The following CEP57L1 variants were observed in gnomAD, a reference collection of about 807,000 sequenced individuals.
CEP57L1 encodes the protein centrosomal protein CEP57L1.
CEP57L1 carries 37 observed loss-of-function variants against 61.0 expected under a neutral mutation model. That is an observed-to-expected ratio of 0.61 (90% confidence interval 0.47 to 0.80). The LOEUF is 0.80. Ranked by LOEUF, CEP57L1 falls within the 30% of genes least tolerant of loss-of-function variation. CEP57L1 has a pLI of 0.00. For missense variants in CEP57L1, 422 were observed against 524.7 expected, an observed-to-expected ratio of 0.80 and a Z score of 1.91; for synonymous variants, 137 against 162.3, an observed-to-expected ratio of 0.84 and a Z score of 1.19.
At position 109,173,424 on chromosome 6, in the gene CEP57L1, C is replaced by CTTTTTT. The variant is rs113248477; in HGVS notation, c.*10465_*10470dup. On this transcript the variant is annotated 3_prime_UTR_variant, in exon 11 of 11. Coordinates refer to ENST00000517392, the MANE Select transcript of CEP57L1 (RefSeq NM_001271852.3). ...CCCCCTCAGCCCGCCCCCTACCTTT[C>CTTTTTT]TTTTTTTTTTTTTTTTCTTTTCAGG... Among the ~76,000 whole-genome samples the CTTTTTT allele has an allele frequency of 7.5e-6, 1 of 133,674 alleles. No homozygotes were observed. 87.7% of individuals were successfully genotyped at this position (133,674 alleles called of 152,430 possible). A position where few individuals can be genotyped will look rare whatever the true frequency, so the allele number is the denominator to read the frequency against.
At chr6:109,131,759 G>A (rs1034823369) in intron 1 of CEP57L1, among the ~76,000 whole-genome samples, 2 of 151,952 alleles carry the variant, frequency 1.3e-5, no homozygotes, top group African/African-American at 4.8e-5. Flanking sequence ...TAATGAGAAG[G>A]CCCAATTCTG....
intron 1 of CEP57L1, among the ~76,000 whole-genome samples, chr6:109,107,896 G>A (rs1400416279): frequency 1.3e-5 from 2 of 152,060 alleles, no homozygotes; most frequent in Admixed American, 6.5e-5. Flanking sequence ...AGACGAGATC[G>A]TGCCATTGCA....
At position 109,159,011 on chromosome 6, in the gene CEP57L1, T is replaced by C; in HGVS notation, c.745-14T>C. ...ATAATTTCTTGTTTACGTTTTTTTC[T>C]TGCCAATCTCTAGAAAACTAAATGT... is the stretch of plus-strand genomic sequence containing the variant. On this transcript the variant is annotated splice_polypyrimidine_tract_variant and intron_variant, in intron 7 of 10. Coordinates refer to ENST00000517392, the MANE Select transcript of CEP57L1 (RefSeq NM_001271852.3). 6.3e-7 allele frequency: 1 copy of C among 1,591,912 alleles called. No homozygotes were observed. The highest frequency in any genetic ancestry group is 8.5e-7 in the Non-Finnish European group (1 of 1,173,222).
intron 1 of CEP57L1, chr6:109,129,332 TATA>T (rs1773928251): frequency 2.7e-6 from 3 of 1,124,860 alleles, no homozygotes; most frequent in Non-Finnish European, 3.3e-6. Flanking sequence ...TTCACTTGGA[TATA>T]ATAATATAGA....
chr6:109,130,052 C>T (rs1774006210), intron 1 of CEP57L1, among the ~76,000 whole-genome samples: 1 of 152,098 alleles, frequency 6.6e-6, no homozygotes, highest in Admixed American at 6.5e-5. Context: ...GTTAATCTCT[C>T]CTTTGTGTTC....
chr6:109,160,824 G>A (rs1052325275), intron 10 of CEP57L1, 108 bp downstream of exon 10: 15 of 1,039,914 alleles, frequency 1.4e-5, no homozygotes, highest in Non-Finnish European at 2.0e-5. Flanking sequence ...GGGATTTAGT[G>A]AAAAGATGGA....
intron 1 of CEP57L1, among the ~76,000 whole-genome samples, chr6:109,125,986 T>G (rs977326044): frequency 2.8e-4 from 42 of 152,262 alleles, no homozygotes; most frequent in Non-Finnish European, 4.7e-4. Flanking sequence ...GTGTGTGTGT[T>G]TTTTTAAGTT....
chr6:109,110,582 A>G (rs1184850887), intron 1 of CEP57L1, among the ~76,000 whole-genome samples: 1 of 152,158 alleles, frequency 6.6e-6, no homozygotes, highest in Non-Finnish European at 1.5e-5. Context: ...TTGGTGTTTT[A>G]GTCATAAAGT....
intron 1 of CEP57L1, among the ~76,000 whole-genome samples, chr6:109,095,839 C>T (rs543813951): frequency 6.6e-6 from 1 of 152,316 alleles, no homozygotes; most frequent in South Asian, 2.1e-4. Context: ...GAAACTGGAG[C>T]TTCGCGCTGC....
At chr6:109,112,549 G>C (rs996870690) in intron 1 of CEP57L1, among the ~76,000 whole-genome samples, 3 of 151,812 alleles carry the variant, frequency 2.0e-5, no homozygotes, top group Admixed American at 2.0e-4. Flanking sequence ...CTTGTCTTCT[G>C]CTAGCTTTTG....
intron 4 of CEP57L1, among the ~76,000 whole-genome samples, chr6:109,150,555 A>C (rs1463833129): frequency 2.0e-5 from 3 of 151,926 alleles, no homozygotes; most frequent in Admixed American, 2.0e-4. Flanking sequence ...TCAGCTACTC[A>C]GGAGGCTGAG....
In CEP57L1 at chr6:109,163,992, A is replaced by G. The variant is rs1773932410; in HGVS notation, c.*1022A>G. The G allele has an allele frequency of 6.6e-6, 1 of 152,192 alleles. No individual in the cohort carries two copies. Among genetic ancestry groups the G allele is most frequent in the Non-Finnish European group, 1.5e-5 (1 of 68,038 alleles). 9.4% of individuals were successfully genotyped at this position (152,192 alleles called of 1,614,324 possible). The stretch of plus-strand genomic sequence containing the variant: ...CTGAGGCAACTGGGGAACTAGAGTC[A>G]TGAACTGAATTAGAAATAGAGGACA... On this transcript the variant is annotated 3_prime_UTR_variant, in exon 11 of 11. Coordinates refer to ENST00000517392, the MANE Select transcript of CEP57L1 (RefSeq NM_001271852.3).
At chr6:109,120,149 T>A (rs1279056202) in intron 1 of CEP57L1, among the ~76,000 whole-genome samples, 1 of 152,156 alleles carries the variant, frequency 6.6e-6, no homozygotes, top group Non-Finnish European at 1.5e-5. Context: ...AGGAGGAACG[T>A]TTAAGAAACC....
intron 3 of CEP57L1, among the ~76,000 whole-genome samples, chr6:109,148,645 G>T (rs1562124085): frequency 6.6e-6 from 1 of 152,086 alleles, no homozygotes; most frequent in Non-Finnish European, 1.5e-5. Context: ...GTAATGGGAT[G>T]GCTGGGTCAA....
At chr6:109,102,272 A>G (rs993956648) in intron 1 of CEP57L1, among the ~76,000 whole-genome samples, 1 of 152,042 alleles carries the variant, frequency 6.6e-6, no homozygotes, top group African/African-American at 2.4e-5. Context: ...TTCATAGATC[A>G]CTGTAACCTC....
chr6:109,173,690 A>G lies in CEP57L1; in HGVS notation c.*10720A>G, dbSNP rs528645001. Among the ~76,000 whole-genome samples the G allele has an allele frequency of 5.3e-5, 8 of 151,188 alleles. No individual in the cohort carries two copies. The South Asian group carries it at 1.7e-3, about 32-fold the overall frequency. On this transcript the variant is annotated 3_prime_UTR_variant, in exon 11 of 11. Transcript: ENST00000517392. ...TGGGCTCAAGCAATCCTTCCACCTC[A>G]GCCTCCCAAAGCTCTGGGATTACAG... is the stretch of plus-strand genomic sequence containing the variant.
At chr6:109,143,031 A>G (rs988304836) in intron 1 of CEP57L1, among the ~76,000 whole-genome samples, 1 of 147,524 alleles carries the variant, frequency 6.8e-6, no homozygotes, top group Non-Finnish European at 1.5e-5. Context: ...CTGATGCACC[A>G]GAAAGGGGCC....
chr6:109,172,837 T>C lies in CEP57L1; in HGVS notation c.*9867T>C, dbSNP rs572306596. ...TAATAAAACTAGGGCCATGTGTTACTACAACATAGGAGTTAACTTTGTCTG... is the reference window on the plus strand; with the variant it reads ...TAATAAAACTAGGGCCATGTGTTACCACAACATAGGAGTTAACTTTGTCTG... On this transcript the variant is annotated 3_prime_UTR_variant, in exon 11 of 11. Transcript: ENST00000517392. Among the ~76,000 whole-genome samples, 5 of 152,224 alleles carry C rather than the reference T, an allele frequency of 3.3e-5. No homozygotes were observed. The highest frequency in any genetic ancestry group is 7.3e-5 in the Non-Finnish European group (5 of 68,036).
At chr6:109,155,722 C>A in intron 6 of CEP57L1, 69 bp from the exon 7 acceptor site, 1 of 765,548 alleles carries the variant, frequency 1.3e-6, no homozygotes, top group Non-Finnish European at 2.1e-6. Flanking sequence ...AAACTTAGAC[C>A]TGATATCTCA....
Sources: gnomAD v4.1 joint callset for allele counts (sites outside exome capture counted in the v4.1 genomes callset) on GRCh38, gnomAD v4.1.1 for gene constraint, MANE v1.5 for transcripts, NCBI Gene and HGNC (gene_info 2026-07-23, HGNC 2026-07-21) for gene names.